Variants in C21orf91 observed in about 807,000 individuals in gnomAD.
C21orf91 encodes chromosome 21 open reading frame 91.
C21orf91 carries 26 observed loss-of-function variants against 32.9 expected under a neutral mutation model. The observed-to-expected ratio is 0.79, with a 90% CI of 0.58 to 1.10. The LOEUF (loss-of-function observed/expected upper bound fraction) is 1.10, where lower values mean the gene tolerates loss of function less well. Among genes scored for constraint, C21orf91 ranks in the 50% least tolerant of loss-of-function variants. The pLI is 0.00. For synonymous variants in C21orf91, 126 were observed against 120.4 expected (o/e 1.05, Z -0.31); for missense variants, 310 against 341.3 (o/e 0.91, Z 0.72).
At position 17,809,167 on chromosome 21, in the gene C21orf91, A is replaced by T. The variant is rs111582660; in HGVS notation, c.127+9025T>A. On this transcript the variant is annotated intron_variant, in intron 2 of 4. Transcript: ENST00000284881. ...CCAGTCTCAGGTAGTTCTTTATAGC[A>T]GTGTGAGAACTAACACAATAATGAA... is the stretch of plus-strand genomic sequence containing the variant. 2.5e-3 allele frequency among the ~76,000 whole-genome samples: 376 copies of T among 152,328 alleles called. 10 individuals are homozygous for T. In the East Asian group the frequency reaches 0.068, roughly 28 times the overall value.
chr21:17,795,332 C>T (rs1600874554), intron 3 of C21orf91, 62 bp from the exon 4 acceptor site: 1 of 1,051,526 alleles, frequency 9.5e-7, no homozygotes, highest in Non-Finnish European at 1.5e-6. Flanking sequence ...CTGCTTACAT[C>T]ACCAACACAA....
At chr21:17,810,585 C>A (rs1165816058) in intron 2 of C21orf91, 1 of 152,248 alleles carries the variant, frequency 6.6e-6, no homozygotes, top group Non-Finnish European at 1.5e-5. Context: ...CCTGTGCTCA[C>A]ACTGTCTGCT....
At chr21:17,808,743 G>A (rs933869250) in intron 2 of C21orf91, among the ~76,000 whole-genome samples, 11 of 152,172 alleles carry the variant, frequency 7.2e-5, no homozygotes, top group Admixed American at 3.9e-4. Flanking sequence ...AAGTCTATGA[G>A]GGACTGTTCA....
chr21:17,795,421 TAA>T, intron 3 of C21orf91, 151 bp from the exon 4 acceptor site: 1 of 625,970 alleles, frequency 1.6e-6, no homozygotes, highest in Non-Finnish European at 2.8e-6. Context: ...TTAACGCTCG[TAA>T]GTGTGGAGTA....
In C21orf91 at chr21:17,818,148, T is replaced by C. The variant is rs532117369; in HGVS notation, c.127+44A>G. 1.3e-4 allele frequency: 186 copies of C among 1,485,648 alleles called. 2 individuals are homozygous for C. In the South Asian group the frequency reaches 2.0e-3, roughly 16 times the overall value. 92.0% of individuals were successfully genotyped at this position (1,485,648 alleles called of 1,614,324 possible). On this transcript the variant is annotated intron_variant, in intron 2 of 4. Transcript: ENST00000284881. ...CCTTACAATCAGTACAAAGCAGCTG[T>C]GTTAAATTCATTCCATAAGATCAAA...
At chr21:17,807,666 T>C (rs1195616698) in intron 2 of C21orf91, among the ~76,000 whole-genome samples, 1 of 152,156 alleles carries the variant, frequency 6.6e-6, no homozygotes, top group East Asian at 1.9e-4. Context: ...CAGTAGTAGG[T>C]AGTCTCAGAT....
In C21orf91 at chr21:17,790,042, G is replaced by C. The variant is rs1270928518; in HGVS notation, c.*3373C>G. The stretch of plus-strand genomic sequence containing the variant: ...TAATAAGCACTTAGTAACAACATTT[G>C]TCAGTAAATGAACTGGCATACATCA... On this transcript the variant is annotated 3_prime_UTR_variant, in exon 5 of 5. Transcript: ENST00000284881. 6.6e-6 allele frequency: 1 copy of C among 152,030 alleles called. No homozygotes were observed. Among genetic ancestry groups the C allele is most frequent in the Non-Finnish European group, 1.5e-5 (1 of 67,964 alleles). 9.4% of individuals were successfully genotyped at this position (152,030 alleles called of 1,614,324 possible). A position where few individuals can be genotyped will look rare whatever the true frequency, so the allele number is the denominator to read the frequency against.
rs567057072 is a variant in C21orf91, at chr21:17,795,096, G to C, written c.727+112C>G. On this transcript the variant is annotated intron_variant, in intron 4 of 4. Transcript: ENST00000284881. The stretch of plus-strand genomic sequence containing the variant: ...TTGCTCTGGAAACTCTAACAGGTTT[G>C]AATATCTCATTTCCAAATTTAAATG... 32 of 752,386 alleles carry C rather than the reference G, an allele frequency of 4.3e-5. No homozygotes were observed. The African/African-American group carries it at 4.5e-4, about 11-fold the overall frequency. 46.6% of individuals were successfully genotyped at this position (752,386 alleles called of 1,614,324 possible).
chr21:17,800,190 A>G (rs995588979), intron 2 of C21orf91, among the ~76,000 whole-genome samples: 52 of 152,220 alleles, frequency 3.4e-4, no homozygotes, highest in African/African-American at 1.2e-3. Flanking sequence ...TCATTCATCT[A>G]GATATATACC....
Position 17,805,632 on chromosome 21 carries a change from T to C in C21orf91, c.128-8514A>G, listed in dbSNP as rs539624171. On this transcript the variant is annotated intron_variant, in intron 2 of 4. Coordinates refer to ENST00000284881, the MANE Select transcript of C21orf91 (RefSeq NM_001100420.2). ...CCCAGCTAGCGTACTGATATATTAA[T>C]ATGGGATATTACACTCACAACAGTA... Among the ~76,000 whole-genome samples the C allele has an allele frequency of 8.4e-4, 128 of 152,308 alleles. 1 individual carries two copies. Among genetic ancestry groups the C allele is most frequent in the African/African-American group, 2.5e-3 (104 of 41,570 alleles).
chr21:17,802,371 G>A (rs1170140976), intron 2 of C21orf91, among the ~76,000 whole-genome samples: 1 of 152,150 alleles, frequency 6.6e-6, no homozygotes, highest in Non-Finnish European at 1.5e-5. Context: ...ATGTCAGCCA[G>A]GCTGGTCTCA....
intron 2 of C21orf91, among the ~76,000 whole-genome samples, chr21:17,814,762 G>A (rs753667935): frequency 6.6e-6 from 1 of 152,090 alleles, no homozygotes; most frequent in Non-Finnish European, 1.5e-5. Flanking sequence ...TGTGAATTCC[G>A]CCTCCATGAT....
Position 17,805,862 on chromosome 21 carries a change from A to T in C21orf91, c.128-8744T>A, listed in dbSNP as rs145763701. Among the ~76,000 whole-genome samples, 449 of 152,306 alleles carry T rather than the reference A, an allele frequency of 2.9e-3. 3 individuals are homozygous for T. The highest frequency in any genetic ancestry group is 8.6e-3 in the African/African-American group (359 of 41,574). ...AAATTTTTCTGCATAAAATTGTCATAAGACATCTAAAAAGCTATTCAAATT... is the reference window on the plus strand; with the variant it reads ...AAATTTTTCTGCATAAAATTGTCATTAGACATCTAAAAAGCTATTCAAATT... On this transcript the variant is annotated intron_variant, in intron 2 of 4. Coordinates refer to ENST00000284881, the MANE Select transcript of C21orf91 (RefSeq NM_001100420.2).
At chr21:17,796,079 T>C (rs1490510597) in intron 3 of C21orf91, among the ~76,000 whole-genome samples, 3 of 152,164 alleles carry the variant, frequency 2.0e-5, no homozygotes, top group African/African-American at 7.2e-5. Flanking sequence ...TTCAAGACAA[T>C]TAAAATCACC....
intron 2 of C21orf91, among the ~76,000 whole-genome samples, chr21:17,802,247 G>A (rs989944941): frequency 1.3e-5 from 2 of 152,144 alleles, no homozygotes; most frequent in African/African-American, 4.8e-5. Flanking sequence ...TGCAACCTCT[G>A]CCTCCTGGGT....
intron 2 of C21orf91, chr21:17,810,566 A>T (rs1481007364): frequency 6.6e-6 from 1 of 152,256 alleles, no homozygotes; most frequent in East Asian, 1.9e-4. Flanking sequence ...ATTGGTGCCG[A>T]CATCTTCACC....
At chr21:17,810,214 C>T (rs1187568967) in intron 2 of C21orf91, among the ~76,000 whole-genome samples, 1 of 152,182 alleles carries the variant, frequency 6.6e-6, no homozygotes, top group Non-Finnish European at 1.5e-5. Flanking sequence ...ATTTAATGCT[C>T]ATTTCCCATA....
At chr21:17,815,565 CT>C (rs972613930) in intron 2 of C21orf91, among the ~76,000 whole-genome samples, 9 of 151,406 alleles carry the variant, frequency 5.9e-5, no homozygotes, top group Non-Finnish European at 1.0e-4. Context: ...ATTATTATGA[CT>C]TTTTTCCCCC....
At chr21:17,817,896 A>AT (rs1377359247) in intron 2 of C21orf91, 1 of 230,298 alleles carries the variant, frequency 4.3e-6, no homozygotes, top group African/African-American at 2.3e-5. Flanking sequence ...AAATCTGACA[A>AT]TTCAATAAGC....
Sources: gnomAD v4.1 joint callset for allele counts (sites outside exome capture counted in the v4.1 genomes callset) on GRCh38, gnomAD v4.1.1 for gene constraint, MANE v1.5 for transcripts, NCBI Gene and HGNC (gene_info 2026-07-23, HGNC 2026-07-21) for gene names.